The following BBS9 variants were observed in gnomAD, a reference collection of about 807,000 sequenced individuals.
BBS9 encodes Bardet-Biedl syndrome 9.
A neutral mutation model predicts 117.7 loss-of-function variants in BBS9; 89 were observed. The ratio of observed to expected loss-of-function variants is 0.76; its 90% CI spans 0.64 to 0.90. BBS9 has a LOEUF of 0.90. Among genes scored for constraint, BBS9 ranks in the 40% least tolerant of loss-of-function variants. The pLI is 0.00. For missense variants in BBS9, 982 were observed against 1,042.2 expected (o/e 0.94, Z 0.80); for synonymous variants, 379 against 370.9 (o/e 1.02, Z -0.25).
At chr7:33,542,629 T>G (rs1563331975) in intron 21 of BBS9, among the ~76,000 whole-genome samples, 1 of 152,110 alleles carries the variant, frequency 6.6e-6, no homozygotes, top group Non-Finnish European at 1.5e-5. Flanking sequence ...TAGTCTCTAA[T>G]CTCATCCAGG....
In BBS9 at chr7:33,351,228, T is replaced by G. The variant is rs1482114240; in HGVS notation, c.1442T>G (p.Leu481Trp). The G allele has an allele frequency of 6.2e-7, 1 of 1,604,886 alleles. No homozygotes were observed. Among genetic ancestry groups the G allele is most frequent in the Non-Finnish European group, 8.5e-7 (1 of 1,171,750 alleles). The part of the protein sequence containing the change: ...QFTFEFMTPD[L>W]TRTVSFSVYL... ...TTTACATTGCTTATAGCACCAGATT[T>G]GACTAGAACAGTAAGCTTTTCTGTT... Residue 481 changes from leucine to tryptophan, a missense_variant, in exon 14 of 23, where the codon TTG becomes TGG. Transcript: ENST00000242067.
At chr7:33,390,954 T>A (rs1186934888) in intron 19 of BBS9, among the ~76,000 whole-genome samples, 1 of 152,210 alleles carries the variant, frequency 6.6e-6, no homozygotes, top group Non-Finnish European at 1.5e-5. Context: ...AGTGCATAGA[T>A]GTACTTCTCT....
intron 5 of BBS9, among the ~76,000 whole-genome samples, chr7:33,194,428 C>G (rs1238026869): frequency 2.0e-5 from 3 of 152,004 alleles, no homozygotes; most frequent in Non-Finnish European, 2.9e-5. Flanking sequence ...AAATTGTGTT[C>G]TTTCTTTGGT....
chr7:33,238,972 G>A (rs1000526575), intron 5 of BBS9, among the ~76,000 whole-genome samples: 5 of 152,078 alleles, frequency 3.3e-5, no homozygotes, highest in African/African-American at 7.2e-5. Flanking sequence ...CTCCATGAGT[G>A]TTCATTTCTG....
intron 4 of BBS9, among the ~76,000 whole-genome samples, chr7:33,168,340 GA>G (rs1402150688): frequency 1.3e-5 from 2 of 151,604 alleles, no homozygotes; most frequent in African/African-American, 4.8e-5. Context: ...ATTTTTTTTT[GA>G]AAAAGAAGAA....
chr7:33,223,283 T>C (rs775295595), intron 5 of BBS9, among the ~76,000 whole-genome samples: 4 of 152,076 alleles, frequency 2.6e-5, no homozygotes, highest in Non-Finnish European at 4.4e-5. Context: ...TATCATCTTA[T>C]ATCCTTATCA....
chr7:33,526,115 T>G (rs1585126741), intron 20 of BBS9, among the ~76,000 whole-genome samples: 3 of 151,764 alleles, frequency 2.0e-5, no homozygotes, highest in African/African-American at 7.3e-5. Flanking sequence ...TGCTGAGAGA[T>G]CCGCTGTTAG....
Position 33,510,228 on chromosome 7 carries a change from A to G in BBS9, c.2298+4583A>G, listed in dbSNP as rs180980126. 1.4e-4 allele frequency among the ~76,000 whole-genome samples: 22 copies of G among 152,200 alleles called. 1 individual carries two copies. Among genetic ancestry groups the G allele is most frequent in the Admixed American group, 5.2e-4 (8 of 15,278 alleles). On this transcript the variant is annotated intron_variant, in intron 20 of 22. Coordinates refer to ENST00000242067, the MANE Select transcript of BBS9 (RefSeq NM_198428.3). ...CAATTTTAAAATAAATTGTTTTCAT[A>G]TCTTTCAGGTTAGGGGCTGGAGATA...
At chr7:33,406,078 T>C (rs1409429498) in intron 19 of BBS9, among the ~76,000 whole-genome samples, 3 of 152,222 alleles carry the variant, frequency 2.0e-5, no homozygotes, top group Admixed American at 6.5e-5. Context: ...GAACTTTATT[T>C]CTGCCTTCAT....
chr7:33,194,122 A>G (rs1292497355), intron 5 of BBS9, among the ~76,000 whole-genome samples: 1 of 152,092 alleles, frequency 6.6e-6, no homozygotes, highest in African/African-American at 2.4e-5. Flanking sequence ...AAATGATAAA[A>G]CCTGTATTTT....
intron 12 of BBS9, among the ~76,000 whole-genome samples, chr7:33,348,618 AC>A (rs768287907): frequency 2.5e-4 from 38 of 152,048 alleles, no homozygotes; most frequent in Non-Finnish European, 4.6e-4. Flanking sequence ...TTTATGTTTA[AC>A]CTTTGAAGAA....
At chr7:33,621,961 G>C (rs1341815622) in intron 21 of BBS9, among the ~76,000 whole-genome samples, 1 of 152,188 alleles carries the variant, frequency 6.6e-6, no homozygotes, top group Non-Finnish European at 1.5e-5. Context: ...TGTAATTCCA[G>C]CTCTTTGAGG....
Position 33,383,870 on chromosome 7 carries a change from A to C in BBS9, c.1962+32A>C, listed in dbSNP as rs766018563. 7 of 1,589,106 alleles carry C rather than the reference A, an allele frequency of 4.4e-6. No individual in the cohort carries two copies. The East Asian group carries it at 1.6e-4, about 36-fold the overall frequency. On this transcript the variant is annotated intron_variant, in intron 18 of 22. Coordinates refer to ENST00000242067, the MANE Select transcript of BBS9 (RefSeq NM_198428.3). ...ATGATCATAACCCACATCATCTATA[A>C]TCCTTAAATATATGAAAGAGAAATA...
chr7:33,420,927 G>A (rs979064702), intron 19 of BBS9, among the ~76,000 whole-genome samples: 15 of 152,176 alleles, frequency 9.9e-5, no homozygotes, highest in African/African-American at 2.7e-4. Context: ...GAAACAAGCC[G>A]GCCACTATTC....
At chr7:33,615,349 T>A (rs1369615902) in intron 21 of BBS9, among the ~76,000 whole-genome samples, 1 of 151,928 alleles carries the variant, frequency 6.6e-6, no homozygotes, top group East Asian at 1.9e-4. Context: ...CTGCACTGGA[T>A]CAAATAAACA....
downstream of BBS9, among the ~76,000 whole-genome samples, chr7:33,608,351 T>C (rs1864691418): frequency 6.6e-6 from 1 of 152,114 alleles, no homozygotes; most frequent in Admixed American, 6.6e-5. Flanking sequence ...AATGAACGTA[T>C]AAGTACCTAT....
intron 5 of BBS9, among the ~76,000 whole-genome samples, chr7:33,206,819 A>G (rs34149991): frequency 0.092 from 13,957 of 152,128 alleles, 862 homozygotes; most frequent in African/African-American, 0.17. Flanking sequence ...TTACATTTCC[A>G]TCCTAACTAT....
intron 19 of BBS9, among the ~76,000 whole-genome samples, chr7:33,410,417 T>C (rs1207226541): frequency 6.6e-6 from 1 of 152,164 alleles, no homozygotes; most frequent in Non-Finnish European, 1.5e-5. Flanking sequence ...CCTAAAATCT[T>C]AGTTTCATCT....
At chr7:33,272,975 G>T in intron 7 of BBS9, 37 bp from the exon 8 acceptor site, 1 of 1,605,580 alleles carries the variant, frequency 6.2e-7, no homozygotes, top group Non-Finnish European at 8.5e-7. Context: ...ATTTTCTGAG[G>T]TTAGCAACTA....
Sources: gnomAD v4.1 joint callset for allele counts (sites outside exome capture counted in the v4.1 genomes callset) on GRCh38, gnomAD v4.1.1 for gene constraint, MANE v1.5 for transcripts, NCBI Gene and HGNC (gene_info 2026-07-23, HGNC 2026-07-21) for gene names.